CD160: variants seen among roughly 807,000 people sequenced by gnomAD.
CD160 encodes CD160 antigen.
A neutral mutation model predicts 19.2 loss-of-function variants in CD160; 11 were observed. The ratio of observed to expected loss-of-function variants is 0.57; its 90% CI spans 0.36 to 0.95. The LOEUF is 0.95. Among genes scored for constraint, CD160 ranks in the 40% least tolerant of loss-of-function variants. The probability of loss-of-function intolerance (pLI) is 0.01; values close to 1 mark genes in which losing one functional copy is unlikely to be tolerated. For synonymous variants in CD160, 75 were observed against 81.1 expected (o/e 0.93, Z 0.40); for missense variants, 182 against 213.2 (o/e 0.85, Z 0.91).
Position 145,730,844 on chromosome 1 carries a change from G to GT in CD160, c.179dup (p.Leu60PhefsTer12). 1 of 1,614,178 alleles carries GT rather than the reference G, an allele frequency of 6.2e-7. No homozygotes were observed. The highest frequency in any genetic ancestry group is 8.5e-7 in the Non-Finnish European group (1 of 1,180,000). On this transcript the variant is annotated frameshift_variant, in exon 4 of 6. Transcript: ENST00000369288. LOFTEE classifies it high-confidence loss of function. ...AAGAAGAGGCTGAGGGGTTTGTAGT[G>GT]TTTTTGTGCAAGGACAGGTCTGGAG... is the stretch of plus-strand genomic sequence containing the variant.
At chr1:145,730,369 GA>G (rs1177911837) in intron 3 of CD160, among the ~76,000 whole-genome samples, 1 of 151,894 alleles carries the variant, frequency 6.6e-6, no homozygotes, top group African/African-American at 2.4e-5. Flanking sequence ...ATGGTTAGGG[GA>G]AAAAAAAGTT....
intron 4 of CD160, 73 bp downstream of exon 4, chr1:145,731,143 T>C: frequency 4.2e-6 from 5 of 1,200,410 alleles, no homozygotes; most frequent in East Asian, 4.7e-5. Flanking sequence ...TGTAACCAGA[T>C]AGTTCAGGTC....
chr1:145,735,056 G>A (rs967622920), intron 4 of CD160, among the ~76,000 whole-genome samples: 4 of 152,170 alleles, frequency 2.6e-5, no homozygotes, highest in African/African-American at 4.8e-5. Context: ...GCAGTGAGCC[G>A]AGATTGCGCC....
At chr1:145,730,499 A>G (rs1490890321) in intron 3 of CD160, among the ~76,000 whole-genome samples, 2 of 152,188 alleles carry the variant, frequency 1.3e-5, no homozygotes, top group African/African-American at 2.4e-5. Context: ...GGATGCTTTG[A>G]GCATATTATT....
At position 145,736,278 on chromosome 1, in the gene CD160, G is replaced by C. The variant is rs587738512; in HGVS notation, c.538+144G>C. 1,736 of 1,555,340 alleles carry C rather than the reference G, an allele frequency of 1.1e-3. 6 individuals carry two copies. Among genetic ancestry groups the C allele is most frequent in the Non-Finnish European group, 1.3e-3 (1,514 of 1,148,938 alleles). Reference sequence around the variant, plus strand: ...TTACTCAAGCCCTGGCTATCCACAGGAAAGTTCAAACCAGTTTCACTGATC... The same window carrying C: ...TTACTCAAGCCCTGGCTATCCACAGCAAAGTTCAAACCAGTTTCACTGATC... On this transcript the variant is annotated intron_variant, in intron 5 of 5. Transcript: ENST00000369288.
chr1:145,724,263 ATTGT>A (rs1199901505), intron 1 of CD160, among the ~76,000 whole-genome samples: 4 of 152,098 alleles, frequency 2.6e-5, no homozygotes, highest in Admixed American at 6.6e-5. Flanking sequence ...ATACTCTTTT[ATTGT>A]TTCTAATAAT....
rs1476002239 is a variant in CD160 at position 145,728,244 on chromosome 1, CTG to C, written c.-72-9_-72-8del. The C allele has an allele frequency of 3.1e-6, 3 of 970,354 alleles. No homozygotes were observed. The Admixed American group carries it at 5.3e-5, about 17-fold the overall frequency. 60.1% of individuals were successfully genotyped at this position (970,354 alleles called of 1,614,324 possible). A position where few individuals can be genotyped will look rare whatever the true frequency, so the allele number is the denominator to read the frequency against. On this transcript the variant is annotated splice_polypyrimidine_tract_variant and intron_variant, in intron 2 of 5. Coordinates refer to ENST00000369288, the MANE Select transcript of CD160 (RefSeq NM_007053.4). ...GGAAGGCTTTGTCTAGTGGGTCCCCCTGTGCTTTTAGGAGACTGAAGCCAAGG... is the reference window on the plus strand; with the variant it reads ...GGAAGGCTTTGTCTAGTGGGTCCCCCTGCTTTTAGGAGACTGAAGCCAAGG...
At chr1:145,725,337 C>A (rs1266848078) in intron 2 of CD160, among the ~76,000 whole-genome samples, 1 of 151,798 alleles carries the variant, frequency 6.6e-6, no homozygotes, top group Non-Finnish European at 1.5e-5. Context: ...CCCAGATACT[C>A]GGCAGGCTGA....
chr1:145,722,910 G>A (rs1381347904), intron 1 of CD160, among the ~76,000 whole-genome samples: 2 of 152,124 alleles, frequency 1.3e-5, no homozygotes, highest in Admixed American at 1.3e-4. Context: ...TTAAGTTTTA[G>A]GACCAGGATT....
Position 145,730,749 on chromosome 1 carries a change from A to T in CD160, c.79A>T (p.Ile27Phe), listed in dbSNP as rs1553709017. ...AIVDIQSGGC[I>F]NITSSASQEG... ...TTCTTCCCTTTCCATTCCAGGATGC[A>T]TTAACATCACCAGCTCAGCTTCCCA... The change falls in exon 4 of 6, where the codon ATT becomes TTT. Residue 27 changes from isoleucine to phenylalanine, a missense_variant. Ile to Phe is a conservative substitution (Grantham distance 21). Coordinates refer to ENST00000369288, the MANE Select transcript of CD160 (RefSeq NM_007053.4). 1 of 1,611,620 alleles carries T rather than the reference A, an allele frequency of 6.2e-7. No homozygotes were observed. The highest frequency in any genetic ancestry group is 1.7e-4 in the Middle Eastern group (1 of 6,060).
At chr1:145,722,652 C>T (rs1571670857) in intron 1 of CD160, among the ~76,000 whole-genome samples, 1 of 152,216 alleles carries the variant, frequency 6.6e-6, no homozygotes, top group Non-Finnish European at 1.5e-5. Flanking sequence ...AGTGCAGTAG[C>T]GCGATCTCAG....
intron 5 of CD160, 164 bp downstream of exon 5, chr1:145,736,298 C>G: frequency 6.5e-7 from 1 of 1,548,492 alleles, no homozygotes; most frequent in Non-Finnish European, 8.7e-7. Context: ...ACCAGTTTCA[C>G]TGATCCAAAG....
chr1:145,727,043 G>GA (rs1180766787), intron 2 of CD160, among the ~76,000 whole-genome samples: 9 of 151,986 alleles, frequency 5.9e-5, no homozygotes, highest in African/African-American at 2.2e-4. Context: ...ATAAAAATCA[G>GA]AAAAATAAAT....
chr1:145,723,822 G>T (rs935070581), intron 1 of CD160, among the ~76,000 whole-genome samples: 1 of 152,080 alleles, frequency 6.6e-6, no homozygotes, highest in Non-Finnish European at 1.5e-5. Context: ...GACCTCAGGT[G>T]ATCCGCACGC....
At chr1:145,725,430 G>C (rs145648925) in intron 2 of CD160, among the ~76,000 whole-genome samples, 3,511 of 152,228 alleles carry the variant, frequency 0.023, 157 homozygotes, top group African/African-American at 0.08. Context: ...GGGCGACAGA[G>C]TGAGACTCTG....
At chr1:145,734,464 C>T (rs1345493065) in intron 4 of CD160, among the ~76,000 whole-genome samples, 3 of 152,216 alleles carry the variant, frequency 2.0e-5, no homozygotes, top group Non-Finnish European at 2.9e-5. Context: ...ATTAGCCTGG[C>T]ACTAGAGACT....
rs1481445048 is a variant in CD160, at chr1:145,730,935, G to T, written c.265G>T (p.Gly89Cys). The change falls in exon 4 of 6, where the codon GGT becomes TGT. Residue 89 changes from glycine (G) to cysteine (C), a missense_variant. Transcript: ENST00000369288. Reference sequence around the variant, plus strand: ...AAGGGATCCTGGGATAGATGGTGTTGGTGAAATATCATCTCAGTTGATGTT... The same window carrying T: ...AAGGGATCCTGGGATAGATGGTGTTTGTGAAATATCATCTCAGTTGATGTT... Reference protein sequence around the residue: ...LKRDPGIDGVGEISSQLMFTI... With the variant: ...LKRDPGIDGVCEISSQLMFTI... 5.0e-6 allele frequency: 8 copies of T among 1,613,944 alleles called. No individual in the cohort carries two copies. Among genetic ancestry groups the T allele is most frequent in the Non-Finnish European group, 6.8e-6 (8 of 1,179,928 alleles).
At chr1:145,727,668 T>C (rs1415736050) in intron 2 of CD160, among the ~76,000 whole-genome samples, 2 of 152,070 alleles carry the variant, frequency 1.3e-5, no homozygotes, top group African/African-American at 4.8e-5. Flanking sequence ...AAATGGCAGA[T>C]GGGTTAATAT....
At chr1:145,725,360 G>A (rs1553708258) in intron 2 of CD160, among the ~76,000 whole-genome samples, 1 of 152,020 alleles carries the variant, frequency 6.6e-6, no homozygotes, top group African/African-American at 2.4e-5. Context: ...CAGGAGAATC[G>A]CTTGAACCCA....
Sources: allele counts gnomAD v4.1 joint callset (sites outside exome capture counted in the v4.1 genomes callset), GRCh38; gene constraint gnomAD v4.1.1; transcripts MANE v1.5; gene names NCBI Gene and HGNC (gene_info 2026-07-23, HGNC 2026-07-21).